Variants in ZNF664 observed in about 807,000 individuals in gnomAD.
The protein encoded by ZNF664 is zinc finger Organ of Corti 1.
Under a neutral mutation model 18.2 loss-of-function variants are expected in ZNF664, and 10 were observed. The observed-to-expected ratio is 0.55, with a 90% CI of 0.34 to 0.93. The LOEUF (loss-of-function observed/expected upper bound fraction) is 0.93. Among genes scored for constraint, ZNF664 ranks in the 40% least tolerant of loss-of-function variants. ZNF664 has a pLI of 0.02. For missense variants in ZNF664, 193 were observed against 319.0 expected, an observed-to-expected ratio of 0.61 and a Z score of 3.01; for synonymous variants, 119 against 104.2, an observed-to-expected ratio of 1.14 and a Z score of -0.86.
At chr12:124,009,433 A>C (rs1406933193) in intron 3 of ZNF664, among the ~76,000 whole-genome samples, 1 of 152,098 alleles carries the variant, frequency 6.6e-6, no homozygotes, top group African/African-American at 2.4e-5. Context: ...TCTCCCCCAT[A>C]AGTAATCATT....
intron 3 of ZNF664, among the ~76,000 whole-genome samples, chr12:124,008,640 C>G (rs1267958769): frequency 6.6e-6 from 1 of 152,126 alleles, no homozygotes; most frequent in East Asian, 1.9e-4. Context: ...TAGTTAATTC[C>G]AATTTTGTTC....
At chr12:123,977,764 C>T (rs920384840) in intron 2 of ZNF664, among the ~76,000 whole-genome samples, 5 of 152,150 alleles carry the variant, frequency 3.3e-5, no homozygotes, top group Admixed American at 1.3e-4. Flanking sequence ...AAAACAGTAT[C>T]GTTCTGGCTG....
At chr12:123,988,235 G>T (rs1956847104) in intron 3 of ZNF664, 97 bp downstream of exon 3, 7 of 1,143,620 alleles carry the variant, frequency 6.1e-6, no homozygotes, top group Non-Finnish European at 5.5e-6. Context: ...CTGAGCATGT[G>T]CCCTTTGGGC....
chr12:123,981,590 G>A (rs1225666059), intron 2 of ZNF664, among the ~76,000 whole-genome samples: 1 of 152,156 alleles, frequency 6.6e-6, no homozygotes, highest in African/African-American at 2.4e-5. Context: ...ATAACTGTAA[G>A]AGATAAATTT....
chr12:123,973,288 C>T lies in ZNF664; in HGVS notation c.-956C>T, dbSNP rs1047861650. On this transcript the variant is annotated 5_prime_UTR_variant, in exon 1 of 5. Coordinates refer to ENST00000337815, the MANE Select transcript of ZNF664 (RefSeq NM_152437.3). ...GCTCGGAGGCGCACCTGTGAGGTGT[C>T]CCTGAGGAGAGGGAGGTGGGTGCGC... 5.9e-4 allele frequency: 580 copies of T among 988,694 alleles called. No homozygotes were observed. Among genetic ancestry groups the T allele is most frequent in the Non-Finnish European group, 5.4e-4 (451 of 833,602 alleles). The allele number at this position is 988,694 out of a possible 1,614,324, so 61.2% of individuals were successfully genotyped here. A position where few individuals can be genotyped will look rare whatever the true frequency, so the allele number is the denominator to read the frequency against.
At chr12:123,982,335 C>T (rs1017517360) in intron 2 of ZNF664, among the ~76,000 whole-genome samples, 3 of 152,100 alleles carry the variant, frequency 2.0e-5, no homozygotes, top group Non-Finnish European at 2.9e-5. Context: ...AGGTTGGGGC[C>T]CAGTCGCTGG....
rs1485079799 is a variant in ZNF664, at chr12:124,012,119, T to G, written c.-26T>G. ...AGTAATCATAAGGAAATTTTCTCCT[T>G]GAAATCACGATACCAAATAGGAAAA... On this transcript the variant is annotated 5_prime_UTR_variant, in exon 5 of 5. Coordinates refer to ENST00000337815, the MANE Select transcript of ZNF664 (RefSeq NM_152437.3). 1 of 1,578,526 alleles carries G rather than the reference T, an allele frequency of 6.3e-7. No homozygotes were observed. The highest frequency in any genetic ancestry group is 8.6e-7 in the Non-Finnish European group (1 of 1,168,426).
rs774662414 is a variant in ZNF664, at chr12:124,012,432, C to T, written c.288C>T (p.Phe96=). The change falls in exon 5 of 5, where the codon TTC becomes TTT. Residue 96 remains phenylalanine (F), a synonymous_variant. Transcript: ENST00000337815. Reference sequence around the variant, plus strand: ...AATGTTACGAGTGTGGCAAAGCCTTCAATTGGAGCTCCCATCTTCAAATTC... The same window carrying T: ...AATGTTACGAGTGTGGCAAAGCCTTTAATTGGAGCTCCCATCTTCAAATTC... ...PYKCYECGKA[F]NWSSHLQIHM... is the part of the protein sequence containing the mutation. 2.5e-6 allele frequency: 4 copies of T among 1,614,084 alleles called. No homozygotes were observed. The highest frequency in any genetic ancestry group is 1.3e-5 in the African/African-American group (1 of 74,934).
chr12:123,986,597 G>C (rs758916222), intron 2 of ZNF664, among the ~76,000 whole-genome samples: 1 of 152,162 alleles, frequency 6.6e-6, no homozygotes, highest in Non-Finnish European at 1.5e-5. Flanking sequence ...GTATTGCTTA[G>C]ATTCCTGAGA....
In ZNF664 at chr12:124,012,892, A is replaced by G. The variant is rs142961134; in HGVS notation, c.748A>G (p.Thr250Ala). 580 of 1,614,240 alleles carry G rather than the reference A, an allele frequency of 3.6e-4. 1 individual carries two copies. The highest frequency in any genetic ancestry group is 3.0e-3 in the Middle Eastern group (18 of 6,062). ...CCTCTGCATCCACCAGAGAGTCCAC[A>G]CAAAGGAGAGAAACCATCTCAAAAT... The part of the protein sequence containing the change: ...TSLCIHQRVH[T>A]KERNHLKISV... Residue 250 changes from threonine to alanine, a missense_variant, in exon 5 of 5, where the codon ACA becomes GCA. This residue lies in a region of ZNF664 where 42 missense variants were observed against 46.4 expected (regional missense o/e 0.91). Transcript: ENST00000337815.
chr12:123,974,667 A>AC (rs1956662885), intron 2 of ZNF664: 3 of 152,372 alleles, frequency 2.0e-5, no homozygotes, highest in East Asian at 3.9e-4. Flanking sequence ...TGTGGTGTTT[A>AC]TCCTTCTAGA....
intron 3 of ZNF664, among the ~76,000 whole-genome samples, chr12:124,009,313 GT>G (rs1426822391): frequency 6.6e-6 from 1 of 151,980 alleles, no homozygotes; most frequent in East Asian, 1.9e-4. Flanking sequence ...AATATGATAG[GT>G]TTATTCTCTT....
In ZNF664 at chr12:123,973,322, C is replaced by T. The variant is rs1441330240; in HGVS notation, c.-922C>T. 7 of 833,992 alleles carry T rather than the reference C, an allele frequency of 8.4e-6. No homozygotes were observed. The Admixed American group carries it at 4.2e-4, about 49-fold the overall frequency. The allele number at this position is 833,992 out of a possible 1,614,324, so 51.7% of individuals were successfully genotyped here. On this transcript the variant is annotated 5_prime_UTR_variant, in exon 1 of 5. Transcript: ENST00000337815. ...GAGGGAGGTGGGTGCGCGGCGCCCG[C>T]GGCCTGGGGCGCTGACTCCCCTCAC...
intron 2 of ZNF664, among the ~76,000 whole-genome samples, chr12:123,978,039 T>G (rs1462468479): frequency 1.3e-5 from 2 of 151,844 alleles, no homozygotes; most frequent in Non-Finnish European, 2.9e-5. Context: ...GAGTAAGAGA[T>G]AAAGGGCCAG....
chr12:123,986,524 A>G (rs1373941454), intron 2 of ZNF664, among the ~76,000 whole-genome samples: 1 of 152,130 alleles, frequency 6.6e-6, no homozygotes, highest in African/African-American at 2.4e-5. Flanking sequence ...TGACCTCCGC[A>G]GTCATTTTGC....
chr12:123,988,361 TG>T (rs1409046207), intron 3 of ZNF664, among the ~76,000 whole-genome samples: 1 of 152,236 alleles, frequency 6.6e-6, no homozygotes, highest in African/African-American at 2.4e-5. Context: ...GAAACATTTT[TG>T]TCCAACTCTT....
chr12:123,979,076 A>G (rs1284291009), intron 2 of ZNF664, among the ~76,000 whole-genome samples: 3 of 152,222 alleles, frequency 2.0e-5, no homozygotes, highest in Non-Finnish European at 2.9e-5. Flanking sequence ...TACACTGGAA[A>G]TGATGTGTTT....
chr12:124,002,488 CAG>C (rs1477331497), intron 3 of ZNF664, among the ~76,000 whole-genome samples: 3 of 152,152 alleles, frequency 2.0e-5, no homozygotes, highest in Non-Finnish European at 2.9e-5. Flanking sequence ...GAATGAAAGC[CAG>C]AGAGACCTGT....
At chr12:123,982,382 C>T (rs1448603856) in intron 2 of ZNF664, among the ~76,000 whole-genome samples, 5 of 152,216 alleles carry the variant, frequency 3.3e-5, no homozygotes, top group Non-Finnish European at 5.9e-5. Flanking sequence ...TGCTCTTTGC[C>T]TTCATCTCCC....
Sources: allele counts gnomAD v4.1 joint callset (sites outside exome capture counted in the v4.1 genomes callset), GRCh38; gene constraint gnomAD v4.1.1; regional missense constraint gnomAD v4.1.1; transcripts MANE v1.5; gene names NCBI Gene and HGNC (gene_info 2026-07-23, HGNC 2026-07-21).